The following PCDHGB3 variants were observed in gnomAD, a reference collection of about 807,000 sequenced individuals.
PCDHGB3 encodes the protein protocadherin gamma-B3.
Under a neutral mutation model 59.2 loss-of-function variants are expected in PCDHGB3, and 40 were observed. The observed-to-expected ratio is 0.68, with a 90% CI of 0.52 to 0.88. The LOEUF is 0.88. Ranked by LOEUF, PCDHGB3 falls within the 40% of genes least tolerant of loss-of-function variation. PCDHGB3 has a pLI of 0.00. For synonymous variants in PCDHGB3, 581 were observed against 503.6 expected (o/e 1.15, Z -2.06); for missense variants, 1,309 against 1,187.9 (o/e 1.10, Z -1.50).
chr5:141,505,794 G>A (rs1423502957), intron 3 of PCDHGB3, among the ~76,000 whole-genome samples: 1 of 152,142 alleles, frequency 6.6e-6, no homozygotes, highest in East Asian at 1.9e-4. Context: ...CTATCCTTGG[G>A]ACTTGGATCG....
chr5:141,380,445 T>C (rs1249653673), intron 1 of PCDHGB3, among the ~76,000 whole-genome samples: 1 of 152,242 alleles, frequency 6.6e-6, no homozygotes, highest in African/African-American at 2.4e-5. Flanking sequence ...AGAATTCTTT[T>C]TAATGCAACC....
intron 1 of PCDHGB3, among the ~76,000 whole-genome samples, chr5:141,401,168 C>T (rs2094123018): frequency 1.3e-5 from 2 of 152,142 alleles, no homozygotes; most frequent in Non-Finnish European, 2.9e-5. Flanking sequence ...ATGGTGAAAA[C>T]CCGTCTCTAC....
At chr5:141,461,689 A>G (rs2099020485) in intron 1 of PCDHGB3, among the ~76,000 whole-genome samples, 1 of 152,120 alleles carries the variant, frequency 6.6e-6, no homozygotes, top group Admixed American at 6.6e-5. Context: ...GTTTATTTTG[A>G]GACAGAGTTT....
chr5:141,399,055 G>C, intron 1 of PCDHGB3: 1 of 1,613,844 alleles, frequency 6.2e-7, no homozygotes, highest in Non-Finnish European at 8.5e-7. Context: ...AGAGACCAAG[G>C]AATATTCAAT....
Position 141,489,524 on chromosome 5 carries a change from T to TA in PCDHGB3, c.2416-5282dup. Reference sequence around the variant, plus strand: ...AATCAAAAGATTGACCGAGAAAGCCTATGTGGAGCCAGCACCAGCTGCCTG... The same window carrying TA: ...AATCAAAAGATTGACCGAGAAAGCCTAATGTGGAGCCAGCACCAGCTGCCTG... On this transcript the variant is annotated intron_variant, in intron 1 of 3. Transcript: ENST00000576222. This position sits in a 1 kb window ranked among gnomAD's most constrained non-coding sequence, Gnocchi z 4.5. 6.2e-7 allele frequency: 1 copy of TA among 1,614,076 alleles called. No homozygotes were observed. Among genetic ancestry groups the TA allele is most frequent in the Non-Finnish European group, 8.5e-7 (1 of 1,180,010 alleles).
At position 141,487,421 on chromosome 5, in the gene PCDHGB3, C is replaced by A. The variant is rs1365581881; in HGVS notation, c.2416-7386C>A. On this transcript the variant is annotated intron_variant, in intron 1 of 3. Coordinates refer to ENST00000576222, the MANE Select transcript of PCDHGB3 (RefSeq NM_018924.5). This position sits in a 1 kb window ranked among gnomAD's most constrained non-coding sequence, Gnocchi z 5.0. ...GGGGCTTCCCCCTTCCAATGGGATC[C>A]TCCGAATCCAGCTAGGGTCAGATGA... 2 of 1,614,026 alleles carry A rather than the reference C, an allele frequency of 1.2e-6. No individual in the cohort carries two copies. Among genetic ancestry groups the A allele is most frequent in the South Asian group, 1.1e-5 (1 of 91,086 alleles).
chr5:141,475,343 G>C (rs1425482944), intron 1 of PCDHGB3, among the ~76,000 whole-genome samples: 3 of 152,178 alleles, frequency 2.0e-5, no homozygotes, highest in Non-Finnish European at 2.9e-5. Context: ...ATGACATCCA[G>C]TTTTAAAAGA....
At chr5:141,504,462 G>A (rs1375731108) in intron 2 of PCDHGB3, among the ~76,000 whole-genome samples, 5 of 152,074 alleles carry the variant, frequency 3.3e-5, no homozygotes, top group African/African-American at 9.7e-5. Flanking sequence ...TGGGGCAGCC[G>A]CTGGGATGGG....
At chr5:141,397,495 A>T (rs1346259397) in intron 1 of PCDHGB3, among the ~76,000 whole-genome samples, 2 of 152,226 alleles carry the variant, frequency 1.3e-5, no homozygotes, top group Non-Finnish European at 2.9e-5. Flanking sequence ...GAACAGAAGA[A>T]TGATAAAATT....
rs746642302 is a variant in PCDHGB3, at chr5:141,491,107, A to G, written c.2416-3700A>G. The stretch of plus-strand genomic sequence containing the variant: ...AGCCCCAGGACTGTTCCTCGTGTCT[A>G]CACACACTGGTGAGGTGCGCACAGC... On this transcript the variant is annotated intron_variant, in intron 1 of 3. Coordinates refer to ENST00000576222, the MANE Select transcript of PCDHGB3 (RefSeq NM_018924.5). The surrounding 1 kb of genome is among the most constrained non-coding windows in gnomAD (Gnocchi z 6.9). 2.5e-6 allele frequency: 4 copies of G among 1,614,148 alleles called. No homozygotes were observed. Among genetic ancestry groups the G allele is most frequent in the Non-Finnish European group, 2.5e-6 (3 of 1,180,014 alleles).
At chr5:141,438,957 CACCCTGCCA>C (rs1022731551) in intron 1 of PCDHGB3, among the ~76,000 whole-genome samples, 2 of 152,144 alleles carry the variant, frequency 1.3e-5, no homozygotes, top group East Asian at 3.9e-4. Flanking sequence ...TGAGCCACCG[CACCCTGCCA>C]ACTGTCTGAC....
chr5:141,422,253 T>C (rs917280432), intron 1 of PCDHGB3: 58 of 1,566,438 alleles, frequency 3.7e-5, no homozygotes, highest in Non-Finnish European at 5.0e-5. Context: ...TGGATGTGAA[T>C]GATAACGCTC....
chr5:141,435,194 C>G (rs538114313), intron 1 of PCDHGB3, among the ~76,000 whole-genome samples: 85 of 152,214 alleles, frequency 5.6e-4, no homozygotes, highest in Middle Eastern at 6.8e-3. Flanking sequence ...AGATGGCTAG[C>G]AAATTCATAA....
In PCDHGB3 at chr5:141,476,218, C is replaced by G. The variant is rs1562052166; in HGVS notation, c.2416-18589C>G. On this transcript the variant is annotated intron_variant, in intron 1 of 3. Transcript: ENST00000576222. The surrounding 1 kb of genome is among the most constrained non-coding windows in gnomAD (Gnocchi z 7.6). ...TGAACAAGGCTTCCACGGTCATTCA[C>G]TATGAGATCCCGGAGGAAAGAGAGA... is the stretch of plus-strand genomic sequence containing the variant. 1 of 1,613,984 alleles carries G rather than the reference C, an allele frequency of 6.2e-7. No homozygotes were observed.
At chr5:141,496,799 G>C (rs2099771487) in intron 2 of PCDHGB3, among the ~76,000 whole-genome samples, 1 of 151,912 alleles carries the variant, frequency 6.6e-6, no homozygotes, top group African/African-American at 2.4e-5. Context: ...TAAACATTGG[G>C]CTATAGGAGT....
intron 1 of PCDHGB3, chr5:141,440,652 C>T (rs755275974): frequency 6.6e-6 from 1 of 152,160 alleles, no homozygotes; most frequent in Non-Finnish European, 1.5e-5. Flanking sequence ...AAAATTATCA[C>T]CTTAGCAGCA....
intron 1 of PCDHGB3, chr5:141,393,590 G>A: frequency 1.2e-6 from 2 of 1,613,896 alleles, no homozygotes; most frequent in South Asian, 2.2e-5. Flanking sequence ...CCCCAGGCAC[G>A]CGGCTGCTTA....
chr5:141,384,419 T>G, intron 1 of PCDHGB3: 1 of 1,613,944 alleles, frequency 6.2e-7, no homozygotes, highest in Non-Finnish European at 8.5e-7. Context: ...TATGTCTCCA[T>G]AAACTCTGAC....
intron 1 of PCDHGB3, chr5:141,392,964 G>C (rs772870041): frequency 1.4e-5 from 23 of 1,613,902 alleles, no homozygotes; most frequent in Non-Finnish European, 1.9e-5. Flanking sequence ...TATCTCCAAG[G>C]ACCTGGGGCT....
Sources: allele counts gnomAD v4.1 joint callset (sites outside exome capture counted in the v4.1 genomes callset), GRCh38; gene constraint gnomAD v4.1.1; non-coding constraint Gnocchi (gnomAD v3.1); transcripts MANE v1.5; gene names NCBI Gene and HGNC (gene_info 2026-07-23, HGNC 2026-07-21).